The following CACNA1E variants were observed in gnomAD, a reference collection of about 807,000 sequenced individuals.
CACNA1E encodes voltage-dependent R-type calcium channel subunit alpha-1E.
A neutral mutation model predicts 259.2 loss-of-function variants in CACNA1E; 40 were observed. The ratio of observed to expected loss-of-function variants is 0.15; its 90% CI spans 0.12 to 0.20. The LOEUF (loss-of-function observed/expected upper bound fraction) is 0.20. CACNA1E is among the 10% of genes least tolerant of loss of function. The pLI is 1.00. For missense variants in CACNA1E, 1,874 were observed against 3,040.1 expected (o/e 0.62, Z 9.02); for synonymous variants, 1,104 against 1,138.5 (o/e 0.97, Z 0.61).
At chr1:181,765,729 C>T (rs1281896260) in intron 34 of CACNA1E, among the ~76,000 whole-genome samples, 1 of 152,160 alleles carries the variant, frequency 6.6e-6, no homozygotes. Flanking sequence ...AGAAGAGGGA[C>T]TTCTCTGGCA....
chr1:181,647,734 C>G (rs1350276586), intron 6 of CACNA1E, among the ~76,000 whole-genome samples: 5 of 152,132 alleles, frequency 3.3e-5, no homozygotes, highest in Admixed American at 2.0e-4. Flanking sequence ...AAGAACCATG[C>G]CATTTTGAAA....
rs772249008 is a variant in CACNA1E, at chr1:181,793,739, G to A, written c.5973G>A (p.Glu1991=). 3.7e-6 allele frequency: 6 copies of A among 1,611,714 alleles called. No homozygotes were observed. Among genetic ancestry groups the A allele is most frequent in the Non-Finnish European group, 5.1e-6 (6 of 1,179,376 alleles). ...HGIYLPSDTQ[E]HAGSGRASSM... ...TCTACCTTCCTTCGGACACCCAGGAGCATGCGGGATCTGGGAGGGCATCTT... is the reference window on the plus strand; with the variant it reads ...TCTACCTTCCTTCGGACACCCAGGAACATGCGGGATCTGGGAGGGCATCTT... The change falls in exon 45 of 48, where the codon GAG becomes GAA. Residue 1991 remains glutamate, a synonymous_variant. Coordinates refer to ENST00000367573, the MANE Select transcript of CACNA1E (RefSeq NM_001205293.3).
At chr1:181,629,360 T>C (rs1319659048) in intron 6 of CACNA1E, among the ~76,000 whole-genome samples, 2 of 152,206 alleles carry the variant, frequency 1.3e-5, no homozygotes, top group Non-Finnish European at 2.9e-5. Context: ...TTCACTATTA[T>C]TTCTCTCCAA....
At chr1:181,341,661 G>A (rs1490122419) in intron 1 of CACNA1E, among the ~76,000 whole-genome samples, 1 of 152,100 alleles carries the variant, frequency 6.6e-6, no homozygotes, top group Non-Finnish European at 1.5e-5. Flanking sequence ...AGGGCACAGG[G>A]CACAGAGTTT....
At chr1:181,543,626 A>G (rs966461383) in intron 3 of CACNA1E, among the ~76,000 whole-genome samples, 1 of 152,204 alleles carries the variant, frequency 6.6e-6, no homozygotes, top group African/African-American at 2.4e-5. Context: ...CAGGAATCTA[A>G]CTGGCCAGCA....
intron 6 of CACNA1E, among the ~76,000 whole-genome samples, chr1:181,638,786 AGT>A (rs1280315550): frequency 6.6e-6 from 1 of 152,088 alleles, no homozygotes; most frequent in African/African-American, 2.4e-5. Context: ...TGGTTTTATA[AGT>A]GTTTGGTAGT....
In CACNA1E at chr1:181,803,989, G is replaced by GT. The variant is rs1400229054; in HGVS notation, c.*5156dup. The GT allele has an allele frequency of 1.3e-5, 2 of 152,202 alleles. No homozygotes were observed. The highest frequency in any genetic ancestry group is 1.3e-4 in the Admixed American group (2 of 15,284). 9.4% of individuals were successfully genotyped at this position (152,202 alleles called of 1,614,324 possible). On this transcript the variant is annotated 3_prime_UTR_variant, in exon 48 of 48. Coordinates refer to ENST00000367573, the MANE Select transcript of CACNA1E (RefSeq NM_001205293.3). ...TCCACCCACCCTCTCTCCGCATGCT[G>GT]TAAGTTAGGGGAGTTAGTATCTTGA...
At chr1:181,379,836 G>A (rs1006023723) in intron 1 of CACNA1E, among the ~76,000 whole-genome samples, 10 of 151,934 alleles carry the variant, frequency 6.6e-5, no homozygotes, top group South Asian at 4.2e-4. Context: ...CTTAAAAGCC[G>A]CCAGAGAAAA....
At chr1:181,651,709 A>G (rs1360119305) in intron 7 of CACNA1E, 1 of 269,236 alleles carries the variant, frequency 3.7e-6, no homozygotes, top group African/African-American at 2.2e-5. Context: ...TTATTCATCC[A>G]TGCTTTCATT....
At chr1:181,795,767 A>AATAAATATATATATATAT (rs1661742792) in intron 46 of CACNA1E, among the ~76,000 whole-genome samples, 1 of 113,276 alleles carries the variant, frequency 8.8e-6, no homozygotes, top group South Asian at 3.6e-4. Flanking sequence ...TTTTGCTTTA[A>AATAAATATATATATATAT]ATATATATAT....
chr1:181,459,878 G>A (rs1039878839), intron 2 of CACNA1E, among the ~76,000 whole-genome samples: 1 of 152,224 alleles, frequency 6.6e-6, no homozygotes, highest in African/African-American at 2.4e-5. Context: ...TGATCAGTGA[G>A]AGATTGAGCA....
At chr1:181,328,007 C>G (rs970289984) in intron 1 of CACNA1E, among the ~76,000 whole-genome samples, 1 of 152,232 alleles carries the variant, frequency 6.6e-6, no homozygotes, top group Non-Finnish European at 1.5e-5. Context: ...CACGATTTCA[C>G]GTCCTCAGAG....
chr1:181,611,423 G>A (rs941390163), intron 6 of CACNA1E, among the ~76,000 whole-genome samples: 16 of 149,780 alleles, frequency 1.1e-4, no homozygotes, highest in African/African-American at 3.9e-4. Context: ...TTTCTCAGAA[G>A]CAATTCATTC....
chr1:181,595,386 C>T (rs896174843), intron 6 of CACNA1E, among the ~76,000 whole-genome samples: 2 of 152,222 alleles, frequency 1.3e-5, no homozygotes, highest in African/African-American at 4.8e-5. Context: ...GGTGATCACA[C>T]CTCCCTCGTC....
intron 2 of CACNA1E, among the ~76,000 whole-genome samples, chr1:181,421,465 C>T (rs1395963501): frequency 6.6e-6 from 1 of 152,166 alleles, no homozygotes; most frequent in Non-Finnish European, 1.5e-5. Flanking sequence ...CTGCAGATGA[C>T]TCTCAAATGT....
intron 2 of CACNA1E, 97 bp downstream of exon 2, chr1:181,510,679 G>C (rs1666088308): frequency 2.6e-6 from 2 of 778,824 alleles, no homozygotes; most frequent in African/African-American, 3.4e-5. Flanking sequence ...CTGCCTGTGA[G>C]TTCTGGGAGG....
intron 3 of CACNA1E, among the ~76,000 whole-genome samples, chr1:181,536,717 T>C (rs1029987730): frequency 6.6e-6 from 1 of 152,138 alleles, no homozygotes; most frequent in East Asian, 1.9e-4. Flanking sequence ...ATAGAAGTGG[T>C]GAGACCTGCT....
chr1:181,396,963 G>A (rs75968457), intron 1 of CACNA1E, among the ~76,000 whole-genome samples: 10,886 of 152,248 alleles, frequency 0.072, 1,278 homozygotes, highest in African/African-American at 0.25. Flanking sequence ...GCCTGCAGAA[G>A]ATGCCTGGTT....
intron 3 of CACNA1E, among the ~76,000 whole-genome samples, chr1:181,576,045 G>A (rs1162148382): frequency 2.0e-5 from 3 of 152,104 alleles, no homozygotes; most frequent in Non-Finnish European, 4.4e-5. Context: ...TTGGAAGATA[G>A]AGTCAAAAGG....
Sources: allele counts gnomAD v4.1 joint callset (sites outside exome capture counted in the v4.1 genomes callset), GRCh38; gene constraint gnomAD v4.1.1; transcripts MANE v1.5; gene names NCBI Gene and HGNC (gene_info 2026-07-23, HGNC 2026-07-21).